The following SLC45A4 variants were observed in gnomAD, a reference collection of about 807,000 sequenced individuals.
SLC45A4 encodes solute carrier family 45 member 4.
In SLC45A4, 32 loss-of-function variants were observed where a neutral mutation model predicts 63.7. That is an observed-to-expected ratio of 0.50 (90% CI 0.38 to 0.67). The LOEUF is 0.67. Among genes scored for constraint, SLC45A4 ranks in the 30% least tolerant of loss-of-function variants. The pLI is 0.00. For synonymous variants in SLC45A4, 535 were observed against 510.0 expected, an observed-to-expected ratio of 1.05 and a Z score of -0.66; for missense variants, 1,027 against 1,157.7, an observed-to-expected ratio of 0.89 and a Z score of 1.64.
At chr8:141,212,153 C>A (rs759258620) in intron 8 of SLC45A4, 44 bp downstream of exon 8, 1 of 686,984 alleles carries the variant, frequency 1.5e-6, no homozygotes, top group South Asian at 7.0e-5. Context: ...CCCGCCCGCC[C>A]ACCCGCCCAC....
At chr8:141,255,792 T>G (rs1828748627) in intron 1 of SLC45A4, among the ~76,000 whole-genome samples, 1 of 152,104 alleles carries the variant, frequency 6.6e-6, no homozygotes, top group Non-Finnish European at 1.5e-5. Flanking sequence ...CTGGGTGGAA[T>G]GAGCATAGCA....
intron 1 of SLC45A4, among the ~76,000 whole-genome samples, chr8:141,270,186 C>T (rs964456156): frequency 6.6e-6 from 1 of 152,080 alleles, no homozygotes; most frequent in East Asian, 1.9e-4. Context: ...GAAACGAATC[C>T]CTAAGTGCTA....
At chr8:141,302,613 T>A (rs894543642) in intron 1 of SLC45A4, among the ~76,000 whole-genome samples, 2 of 152,236 alleles carry the variant, frequency 1.3e-5, no homozygotes, top group African/African-American at 4.8e-5. Context: ...ATTACAGGCA[T>A]GAGCCACCGC....
chr8:141,291,236 A>G (rs67932682), intron 1 of SLC45A4, among the ~76,000 whole-genome samples: 11,699 of 152,294 alleles, frequency 0.077, 518 homozygotes, highest in Middle Eastern at 0.19. Context: ...TTTTGTGAGA[A>G]CAAGTTTACA....
chr8:141,286,292 A>G (rs1830143192), intron 1 of SLC45A4, among the ~76,000 whole-genome samples: 1 of 152,072 alleles, frequency 6.6e-6, no homozygotes, highest in Non-Finnish European at 1.5e-5. Flanking sequence ...GGTTTACTGC[A>G]TGTTCAGAAA....
intron 1 of SLC45A4, among the ~76,000 whole-genome samples, chr8:141,307,514 G>A (rs927428785): frequency 2.0e-5 from 3 of 149,794 alleles, no homozygotes; most frequent in Non-Finnish European, 3.0e-5. Context: ...TGGGCAGAGG[G>A]AAAGGAGGGG....
chr8:141,209,020 AC>A lies in SLC45A4; in HGVS notation c.*2551del, dbSNP rs1451988625. ...CCCAGGCCACCAGCCTGCACAGCCCACACCCCAAGGGTGCCACGAGCCCAAC... is the reference window on the plus strand; with the variant it reads ...CCCAGGCCACCAGCCTGCACAGCCCAACCCCAAGGGTGCCACGAGCCCAAC... On this transcript the variant is annotated 3_prime_UTR_variant, in exon 9 of 9. Coordinates refer to ENST00000517878, the MANE Select transcript of SLC45A4 (RefSeq NM_001286646.2). 2.0e-5 allele frequency: 3 copies of A among 152,640 alleles called. No individual in the cohort carries two copies. Among genetic ancestry groups the A allele is most frequent in the Non-Finnish European group, 4.4e-5 (3 of 68,386 alleles). The allele number at this position is 152,640 out of a possible 1,614,324, so 9.5% of individuals were successfully genotyped here.
chr8:141,273,262 G>A (rs999585408), intron 1 of SLC45A4, among the ~76,000 whole-genome samples: 1 of 152,152 alleles, frequency 6.6e-6, no homozygotes, highest in Non-Finnish European at 1.5e-5. Flanking sequence ...GGCAATGAGG[G>A]GTGTGCCCTT....
chr8:141,211,399 C>T lies in SLC45A4; in HGVS notation c.*173G>A. 3 of 1,526,962 alleles carry T rather than the reference C, an allele frequency of 2.0e-6. No individual in the cohort carries two copies. Among genetic ancestry groups the T allele is most frequent in the East Asian group, 2.3e-5 (1 of 43,630 alleles). The allele number at this position is 1,526,962 out of a possible 1,614,324, so 94.6% of individuals were successfully genotyped here. ...TCACGCTCCGCCCCCAGGTGGTGCC[C>T]AGCCCATCCCTGGGCAGGGTGTCTG... On this transcript the variant is annotated 3_prime_UTR_variant, in exon 9 of 9. Coordinates refer to ENST00000517878, the MANE Select transcript of SLC45A4 (RefSeq NM_001286646.2).
intron 1 of SLC45A4, among the ~76,000 whole-genome samples, chr8:141,263,994 G>C (rs535143088): frequency 6.6e-6 from 1 of 152,286 alleles, no homozygotes; most frequent in African/African-American, 2.4e-5. Flanking sequence ...GTTGGTGCCA[G>C]AAGAACCAGT....
chr8:141,280,183 G>A (rs1393171390), intron 1 of SLC45A4, among the ~76,000 whole-genome samples: 3 of 152,212 alleles, frequency 2.0e-5, no homozygotes, highest in Non-Finnish European at 4.4e-5. Flanking sequence ...TGGGCACTGT[G>A]AGTGAGACAG....
chr8:141,217,176 G>A lies in SLC45A4; in HGVS notation c.1643C>T (p.Ser548Leu). 6.2e-7 allele frequency: 1 copy of A among 1,613,732 alleles called. No individual in the cohort carries two copies. The highest frequency in any genetic ancestry group is 8.5e-7 in the Non-Finnish European group (1 of 1,179,966). ...GGCGTTGTAGGCTTGCCAGGCGGTC[G>A]AGTTCGAGGGGGCCTGTTCCGGAAA... is the stretch of plus-strand genomic sequence containing the variant. The part of the protein sequence containing the change: ...FEGDPKAPSN[S>L]TAWQAYNAGV... The change falls in exon 6 of 9, where the codon TCG becomes TTG. Residue 548 changes from serine to leucine, a missense_variant. Physicochemically the swap from Ser to Leu is moderately radical, Grantham distance 145 (BLOSUM62 -2). Coordinates refer to ENST00000517878, the MANE Select transcript of SLC45A4 (RefSeq NM_001286646.2).
intron 2 of SLC45A4, among the ~76,000 whole-genome samples, chr8:141,248,887 C>T (rs1417946703): frequency 6.6e-6 from 1 of 151,880 alleles, no homozygotes; most frequent in Non-Finnish European, 1.5e-5. Flanking sequence ...CGTGGTGGTG[C>T]ACACCTGTAG....
chr8:141,216,033 C>T, intron 6 of SLC45A4, 63 bp from the exon 7 acceptor site: 1 of 1,448,356 alleles, frequency 6.9e-7, no homozygotes, highest in Non-Finnish European at 9.5e-7. Flanking sequence ...CGGGCTCCCT[C>T]CACCATCCCT....
chr8:141,302,489 A>G (rs1242546312), intron 1 of SLC45A4, among the ~76,000 whole-genome samples: 1 of 145,392 alleles, frequency 6.9e-6, no homozygotes, highest in African/African-American at 2.5e-5. Flanking sequence ...GTGCACCACC[A>G]CACTTGGCTA....
At chr8:141,303,878 G>A (rs533666865) in intron 1 of SLC45A4, among the ~76,000 whole-genome samples, 1 of 152,222 alleles carries the variant, frequency 6.6e-6, no homozygotes, top group African/African-American at 2.4e-5. Flanking sequence ...GCCCAGTAGA[G>A]GTGGGAGGGT....
rs1044703343 is a variant in SLC45A4, at chr8:141,256,040, C to T, written c.-400-1411G>A. Among the ~76,000 whole-genome samples, 1 of 152,126 alleles carries T rather than the reference C, an allele frequency of 6.6e-6. No individual in the cohort carries two copies. Among genetic ancestry groups the T allele is most frequent in the Non-Finnish European group, 1.5e-5 (1 of 68,016 alleles). ...CCTATCACCCCAACCCTCGGCTTTCCACCACCCTGCCTCCAGTGACAAACC... is the reference window on the plus strand; with the variant it reads ...CCTATCACCCCAACCCTCGGCTTTCTACCACCCTGCCTCCAGTGACAAACC... On this transcript the variant is annotated intron_variant, in intron 1 of 8. Coordinates refer to ENST00000517878, the MANE Select transcript of SLC45A4 (RefSeq NM_001286646.2). This position sits in a 1 kb window ranked among gnomAD's most constrained non-coding sequence, Gnocchi z 4.3.
At chr8:141,245,582 G>C (rs1380489452) in intron 2 of SLC45A4, among the ~76,000 whole-genome samples, 2 of 152,032 alleles carry the variant, frequency 1.3e-5, no homozygotes, top group Non-Finnish European at 2.9e-5. Context: ...CCAAAATCTG[G>C]TCTCAGCATC....
At chr8:141,293,284 C>T (rs1830424963) in intron 1 of SLC45A4, among the ~76,000 whole-genome samples, 1 of 152,092 alleles carries the variant, frequency 6.6e-6, no homozygotes, top group Admixed American at 6.6e-5. Context: ...GAAACCCCAT[C>T]TCTACTAAAA....
Sources: allele counts gnomAD v4.1 joint callset (sites outside exome capture counted in the v4.1 genomes callset), GRCh38; gene constraint gnomAD v4.1.1; non-coding constraint Gnocchi (gnomAD v3.1); transcripts MANE v1.5; gene names NCBI Gene and HGNC (gene_info 2026-07-23, HGNC 2026-07-21).